Variants in ASCC3 observed in about 807,000 individuals in gnomAD.
The protein encoded by ASCC3 is ASC-1 complex subunit P200.
A neutral mutation model predicts 256.3 loss-of-function variants in ASCC3; 158 were observed. The observed-to-expected ratio is 0.62, with a 90% CI of 0.54 to 0.70. ASCC3 has a LOEUF of 0.70. Among genes scored for constraint, ASCC3 ranks in the 30% least tolerant of loss-of-function variants. The pLI is 0.00. For missense variants in ASCC3, 2,259 were observed against 2,626.0 expected, an observed-to-expected ratio of 0.86 and a Z score of 3.05; for synonymous variants, 948 against 883.4, an observed-to-expected ratio of 1.07 and a Z score of -1.30.
At chr6:100,532,130 C>A (rs1017412619) in intron 37 of ASCC3, among the ~76,000 whole-genome samples, 1 of 151,324 alleles carries the variant, frequency 6.6e-6, no homozygotes, top group Admixed American at 6.6e-5. Flanking sequence ...CTCTTTCAGA[C>A]AAACAGTCCA....
At chr6:100,542,688 A>T (rs759362610) in intron 36 of ASCC3, among the ~76,000 whole-genome samples, 17 of 152,040 alleles carry the variant, frequency 1.1e-4, no homozygotes, top group Non-Finnish European at 2.4e-4. Context: ...CAAAAAAAAA[A>T]TAATAATAAA....
chr6:100,782,013 G>A (rs977787548), intron 8 of ASCC3, among the ~76,000 whole-genome samples: 3 of 151,726 alleles, frequency 2.0e-5, no homozygotes, highest in Non-Finnish European at 4.4e-5. Flanking sequence ...TAGGTCCAGA[G>A]GTAACAAAAT....
chr6:100,773,098 G>T (rs1048942084), intron 8 of ASCC3, among the ~76,000 whole-genome samples: 13 of 152,016 alleles, frequency 8.6e-5, no homozygotes, highest in Non-Finnish European at 1.5e-4. Context: ...GCTTGTTTAA[G>T]TTCACACAAC....
At chr6:100,621,756 A>T (rs949686690) in intron 30 of ASCC3, among the ~76,000 whole-genome samples, 1 of 152,212 alleles carries the variant, frequency 6.6e-6, no homozygotes, top group African/African-American at 2.4e-5. Flanking sequence ...CCAAAGGAAT[A>T]GAAATCGTTC....
At chr6:100,727,414 C>T (rs530291400) in intron 10 of ASCC3, among the ~76,000 whole-genome samples, 22 of 151,806 alleles carry the variant, frequency 1.4e-4, no homozygotes, top group Non-Finnish European at 2.6e-4. Flanking sequence ...TAAAATCTCT[C>T]GTGTAATAAA....
At chr6:100,809,600 T>C (rs948916681) in intron 4 of ASCC3, among the ~76,000 whole-genome samples, 1 of 152,078 alleles carries the variant, frequency 6.6e-6, no homozygotes, top group Non-Finnish European at 1.5e-5. Flanking sequence ...TGAATACCAA[T>C]AGACATAAAC....
chr6:100,733,829 CAA>C (rs1017894297), intron 10 of ASCC3, among the ~76,000 whole-genome samples: 6 of 152,162 alleles, frequency 3.9e-5, no homozygotes, highest in African/African-American at 1.2e-4. Context: ...ATTCAAATCA[CAA>C]AGAGACTCTC....
At chr6:100,738,818 TATC>T (rs1284284662) in intron 10 of ASCC3, among the ~76,000 whole-genome samples, 1 of 152,214 alleles carries the variant, frequency 6.6e-6, no homozygotes, top group Non-Finnish European at 1.5e-5. Flanking sequence ...TAAAGTTGCT[TATC>T]AGCTTAAGAA....
chr6:100,559,570 C>T (rs1160898537), intron 36 of ASCC3, among the ~76,000 whole-genome samples: 1 of 152,106 alleles, frequency 6.6e-6, no homozygotes, highest in African/African-American at 2.4e-5. Flanking sequence ...TGTTACAGGG[C>T]TGGGCATGGT....
At chr6:100,591,453 T>C (rs1370791983) in intron 34 of ASCC3, among the ~76,000 whole-genome samples, 1 of 152,106 alleles carries the variant, frequency 6.6e-6, no homozygotes, top group Non-Finnish European at 1.5e-5. Flanking sequence ...AGTGCTTACT[T>C]TGTATTTCAC....
chr6:100,688,478 TAAGAAATAA>T (rs1777689185), intron 13 of ASCC3, among the ~76,000 whole-genome samples: 1 of 152,330 alleles, frequency 6.6e-6, no homozygotes, highest in South Asian at 2.1e-4. Flanking sequence ...AAATTTCATT[TAAGAAATAA>T]AATAGAAACT....
intron 4 of ASCC3, among the ~76,000 whole-genome samples, chr6:100,822,675 A>G (rs1466712002): frequency 6.6e-6 from 1 of 152,172 alleles, no homozygotes; most frequent in East Asian, 1.9e-4. Context: ...ATTCAAATAG[A>G]TAACTACAAT....
chr6:100,806,417 G>A (rs1026770979), intron 4 of ASCC3, among the ~76,000 whole-genome samples: 2 of 152,016 alleles, frequency 1.3e-5, no homozygotes, highest in Middle Eastern at 3.4e-3. Context: ...GAAAATTTCC[G>A]AAGCATATCC....
intron 25 of ASCC3, among the ~76,000 whole-genome samples, chr6:100,633,428 G>A (rs1319733564): frequency 1.3e-5 from 2 of 152,046 alleles, no homozygotes; most frequent in Non-Finnish European, 1.5e-5. Context: ...ACTCGGATTT[G>A]CCAAGGAGAA....
At chr6:100,797,221 G>A (rs1426223106) in intron 8 of ASCC3, among the ~76,000 whole-genome samples, 1 of 151,912 alleles carries the variant, frequency 6.6e-6, no homozygotes, top group Non-Finnish European at 1.5e-5. Context: ...AGGCCGAGGC[G>A]GGTGGATCAC....
At chr6:100,658,090 A>G (rs1776005170) in intron 16 of ASCC3, among the ~76,000 whole-genome samples, 1 of 151,520 alleles carries the variant, frequency 6.6e-6, no homozygotes, top group Admixed American at 6.6e-5. Flanking sequence ...AAGAAGTTCC[A>G]GAGTCACATG....
chr6:100,804,840 TAG>T (rs1554233989), intron 5 of ASCC3, among the ~76,000 whole-genome samples: 1 of 152,184 alleles, frequency 6.6e-6, no homozygotes, highest in Non-Finnish European at 1.5e-5. Flanking sequence ...AAAAGTAGTT[TAG>T]AGATTTCTCA....
At chr6:100,749,153 C>T (rs1314105582) in intron 10 of ASCC3, among the ~76,000 whole-genome samples, 1 of 151,968 alleles carries the variant, frequency 6.6e-6, no homozygotes, top group African/African-American at 2.4e-5. Context: ...GCCTCTTCCC[C>T]GTCAAACAGT....
intron 13 of ASCC3, among the ~76,000 whole-genome samples, chr6:100,707,717 T>C (rs181739556): frequency 4.7e-4 from 71 of 152,182 alleles, no homozygotes; most frequent in Non-Finnish European, 3.1e-4. Context: ...CCTTTAGAGG[T>C]TCACGATGAT....
Sources: allele counts gnomAD v4.1 joint callset (sites outside exome capture counted in the v4.1 genomes callset), GRCh38; gene constraint gnomAD v4.1.1; transcripts MANE v1.5; gene names NCBI Gene and HGNC (gene_info 2026-07-23, HGNC 2026-07-21).